Variants in HDAC9 observed in about 807,000 individuals in gnomAD.
HDAC9 encodes the protein histone deacetylase 9, also known as MEF-2 interacting transcription repressor (MITR) protein.
A neutral mutation model predicts 139.4 loss-of-function variants in HDAC9; 41 were observed. That is an observed-to-expected ratio of 0.29 (90% CI 0.23 to 0.38). HDAC9 has a LOEUF of 0.38. HDAC9 is among the 10% of genes least tolerant of loss of function. The pLI, the probability that HDAC9 is intolerant of heterozygous loss-of-function variation, is 1.00. For synonymous variants in HDAC9, 517 were observed against 476.2 expected, an observed-to-expected ratio of 1.09 and a Z score of -1.12; for missense variants, 1,147 against 1,297.0, an observed-to-expected ratio of 0.88 and a Z score of 1.78.
intron 1 of HDAC9, among the ~76,000 whole-genome samples, chr7:18,475,281 G>T (rs557722010): frequency 6.6e-6 from 1 of 152,128 alleles, no homozygotes; most frequent in African/African-American, 2.4e-5. Context: ...CAAATATTCT[G>T]TTTCTTGAAC....
intron 13 of HDAC9, among the ~76,000 whole-genome samples, chr7:18,738,010 G>A (rs971293752): frequency 6.6e-6 from 1 of 152,174 alleles, no homozygotes; most frequent in Non-Finnish European, 1.5e-5. Flanking sequence ...TTACCATTAT[G>A]TAATGGTGTT....
chr7:18,986,551 C>T (rs879767627), intron 25 of HDAC9, among the ~76,000 whole-genome samples: 1,830 of 133,262 alleles, frequency 0.014, 34 homozygotes, highest in African/African-American at 0.043. Flanking sequence ...CTTGGCAATG[C>T]GGGCTCTTTT....
At chr7:18,886,333 A>G (rs1487914990) in intron 22 of HDAC9, among the ~76,000 whole-genome samples, 2 of 152,236 alleles carry the variant, frequency 1.3e-5, no homozygotes, top group African/African-American at 4.8e-5. Flanking sequence ...CACAGTTACT[A>G]TAACTGTACC....
intron 1 of HDAC9, among the ~76,000 whole-genome samples, chr7:18,390,522 A>T (rs116314955): frequency 0.013 from 1,940 of 152,210 alleles, 34 homozygotes; most frequent in African/African-American, 0.044. Flanking sequence ...TGAGTTCTGT[A>T]GTAGTTTGGT....
intron 2 of HDAC9, among the ~76,000 whole-genome samples, chr7:18,264,581 G>A (rs569966057): frequency 1.3e-5 from 2 of 152,264 alleles, no homozygotes; most frequent in Non-Finnish European, 2.9e-5. Flanking sequence ...GGAGATGTTA[G>A]CTTGCTAAAA....
chr7:18,947,570 T>G (rs368096706), intron 23 of HDAC9, among the ~76,000 whole-genome samples: 1 of 151,952 alleles, frequency 6.6e-6, no homozygotes, highest in African/African-American at 2.4e-5. Context: ...ACAGCAAATG[T>G]GAGTGGTTCT....
At chr7:18,711,828 G>A (rs1489057983) in intron 12 of HDAC9, among the ~76,000 whole-genome samples, 3 of 152,046 alleles carry the variant, frequency 2.0e-5, no homozygotes, top group African/African-American at 7.2e-5. Flanking sequence ...CTTTTCTCTT[G>A]GAGCTCAAAT....
At chr7:18,394,819 G>A (rs1004789228) in intron 1 of HDAC9, among the ~76,000 whole-genome samples, 12 of 152,058 alleles carry the variant, frequency 7.9e-5, no homozygotes, top group African/African-American at 1.9e-4. Flanking sequence ...ATGGAGGAGC[G>A]TGTCATTTCT....
chr7:18,307,196 C>G (rs935916986), intron 1 of HDAC9, among the ~76,000 whole-genome samples: 20 of 150,686 alleles, frequency 1.3e-4, no homozygotes, highest in African/African-American at 4.6e-4. Flanking sequence ...CTCTCAAGTT[C>G]AAATCCTGGC....
intron 3 of HDAC9, among the ~76,000 whole-genome samples, chr7:18,588,785 A>G (rs375259440): frequency 2.4e-4 from 36 of 152,214 alleles, no homozygotes; most frequent in East Asian, 1.2e-3. Context: ...CTTTTTTCCC[A>G]TGGTGAAGCT....
rs567407676 is a variant in HDAC9, at chr7:18,442,049, C to T, written c.-41-54213C>T. On this transcript the variant is annotated intron_variant, in intron 1 of 3. Coordinates refer to the HDAC9 transcript ENST00000413509. ...CCTCCCAAAGTGCTAGGATTACAGA[C>T]GTGAGCCCCTGTGCCCGGCTGGGAC... Among the ~76,000 whole-genome samples the T allele has an allele frequency of 1.6e-4, 24 of 152,246 alleles. 1 individual carries two copies. The South Asian group carries it at 5.0e-3, about 32-fold the overall frequency.
intron 21 of HDAC9, among the ~76,000 whole-genome samples, chr7:18,863,911 G>T (rs941337929): frequency 2.6e-5 from 4 of 152,198 alleles, no homozygotes; most frequent in African/African-American, 9.6e-5. Flanking sequence ...CATGGCCACT[G>T]TGAGTACTGC....
chr7:18,752,869 A>G (rs1343178182), intron 14 of HDAC9, among the ~76,000 whole-genome samples: 1 of 152,094 alleles, frequency 6.6e-6, no homozygotes, highest in Admixed American at 6.6e-5. Flanking sequence ...ATGTTGACAT[A>G]TTTCAGAATC....
intron 2 of HDAC9, among the ~76,000 whole-genome samples, chr7:18,565,276 G>C (rs1349000347): frequency 6.6e-6 from 1 of 152,178 alleles, no homozygotes; most frequent in Non-Finnish European, 1.5e-5. Flanking sequence ...GATTACAGGC[G>C]TGAGCCACTG....
chr7:18,279,498 T>C (rs947336937), intron 2 of HDAC9, among the ~76,000 whole-genome samples: 2 of 151,738 alleles, frequency 1.3e-5, no homozygotes, highest in Admixed American at 1.3e-4. Flanking sequence ...AGTCTCACTC[T>C]TGTTGCCCAG....
chr7:18,817,504 T>C (rs529408897), intron 17 of HDAC9, among the ~76,000 whole-genome samples: 84 of 152,340 alleles, frequency 5.5e-4, no homozygotes, highest in African/African-American at 1.8e-3. Flanking sequence ...TGGATCTTTT[T>C]TCCAGTTAAA....
At chr7:18,191,683 C>T (rs1790360511) in intron 2 of HDAC9, among the ~76,000 whole-genome samples, 1 of 152,156 alleles carries the variant, frequency 6.6e-6, no homozygotes, top group East Asian at 1.9e-4. Context: ...TCTTTGATTA[C>T]AAGATGACAA....
Position 18,265,922 on chromosome 7 carries a change from A to G in HDAC9, c.25+103573A>G, listed in dbSNP as rs1030958780. Among the ~76,000 whole-genome samples the G allele has an allele frequency of 1.1e-4, 16 of 152,200 alleles. 1 individual carries two copies. Reference sequence around the variant, plus strand: ...TGCAGACAATTATGGAGATTATTCTATAATACCACACCGAAACTTCAAAAG... The same window carrying G: ...TGCAGACAATTATGGAGATTATTCTGTAATACCACACCGAAACTTCAAAAG... On this transcript the variant is annotated intron_variant, in intron 2 of 12. Coordinates refer to the HDAC9 transcript ENST00000417496.
At chr7:18,707,343 G>T (rs1332162838) in intron 12 of HDAC9, among the ~76,000 whole-genome samples, 1 of 152,236 alleles carries the variant, frequency 6.6e-6, no homozygotes, top group East Asian at 1.9e-4. Context: ...ATGGAGGATA[G>T]ATTGTCCTAA....
Sources: allele counts gnomAD v4.1 joint callset (sites outside exome capture counted in the v4.1 genomes callset), GRCh38; gene constraint gnomAD v4.1.1; transcripts MANE v1.5; gene names NCBI Gene and HGNC (gene_info 2026-07-23, HGNC 2026-07-21).